The following OSBPL9 variants were observed in gnomAD, a reference collection of about 807,000 sequenced individuals.
OSBPL9 encodes oxysterol binding protein like 9, also known as oxysterol-binding protein-related protein 9.
A neutral mutation model predicts 106.6 loss-of-function variants in OSBPL9; 40 were observed. That is an observed-to-expected ratio of 0.38 (90% CI 0.29 to 0.49). OSBPL9 has a LOEUF of 0.49. Ranked by LOEUF, OSBPL9 falls within the 20% of genes least tolerant of loss-of-function variation. The pLI, the probability that OSBPL9 is intolerant of heterozygous loss-of-function variation, is 0.97. For synonymous variants in OSBPL9, 269 were observed against 295.4 expected (o/e 0.91, Z 0.92); for missense variants, 609 against 887.2 (o/e 0.69, Z 3.98).
At chr1:51,615,375 C>G (rs755576147), upstream of OSBPL9, among the ~76,000 whole-genome samples, 2 of 152,218 alleles carry the variant, frequency 1.3e-5, no homozygotes, top group Non-Finnish European at 2.9e-5. Flanking sequence ...TTTCTTGTTA[C>G]TTTGGATAAA....
At chr1:51,707,835 G>T in intron 3 of OSBPL9, 1 of 185,098 alleles carries the variant, frequency 5.4e-6, no homozygotes, top group Non-Finnish European at 1.2e-5. Flanking sequence ...CTTCTCCATG[G>T]TAGTGAAGTT....
the OSBPL9 span, among the ~76,000 whole-genome samples, chr1:51,548,835 T>A: frequency 6.6e-6 from 1 of 152,230 alleles, no homozygotes; most frequent in African/African-American, 2.4e-5. Context: ...CCTGAAAATA[T>A]CTTCATCTGG....
At chr1:51,772,367 T>C (rs1674111336) in intron 13 of OSBPL9, among the ~76,000 whole-genome samples, 185 bp downstream of exon 13, 1 of 152,114 alleles carries the variant, frequency 6.6e-6, no homozygotes, top group East Asian at 1.9e-4. Flanking sequence ...TACAAAAAAT[T>C]AGCTGGGCAT....
At chr1:51,608,415 C>T (rs1643962974) in intron 2 of OSBPL9, among the ~76,000 whole-genome samples, 2 of 152,110 alleles carry the variant, frequency 1.3e-5, no homozygotes, top group African/African-American at 4.8e-5. Context: ...GCCTCAGCCT[C>T]CCCAGTAGCT....
intron 8 of OSBPL9, 111 bp downstream of exon 8, chr1:51,750,306 T>C (rs758544867): frequency 7.8e-6 from 5 of 640,076 alleles, no homozygotes; most frequent in Non-Finnish European, 5.4e-6. Flanking sequence ...CCTTTCTACA[T>C]TAAACTGTAT....
intron 4 of OSBPL9, among the ~76,000 whole-genome samples, chr1:51,728,312 A>G (rs959467419): frequency 6.6e-6 from 1 of 152,236 alleles, no homozygotes; most frequent in Non-Finnish European, 1.5e-5. Flanking sequence ...AATGAATTGG[A>G]GTAGCCAGAG....
chr1:51,773,731 G>A (rs888849210), intron 14 of OSBPL9, among the ~76,000 whole-genome samples: 1 of 152,052 alleles, frequency 6.6e-6, no homozygotes, highest in Non-Finnish European at 1.5e-5. Flanking sequence ...GATTTAGAGG[G>A]CCATTAAGAA....
At chr1:51,530,347 T>A in the OSBPL9 span, among the ~76,000 whole-genome samples, 1 of 151,840 alleles carries the variant, frequency 6.6e-6, no homozygotes, top group Non-Finnish European at 1.5e-5. Context: ...AAGGACACCA[T>A]CCAGAAAGTG....
At chr1:51,769,242 T>C (rs1301135520) in intron 12 of OSBPL9, among the ~76,000 whole-genome samples, 1 of 152,234 alleles carries the variant, frequency 6.6e-6, no homozygotes, top group Non-Finnish European at 1.5e-5. Flanking sequence ...GTTTTTCTCT[T>C]TCTGAAGGAA....
At chr1:51,721,182 C>A (rs902539164) in intron 4 of OSBPL9, among the ~76,000 whole-genome samples, 1 of 151,256 alleles carries the variant, frequency 6.6e-6, no homozygotes, top group African/African-American at 2.4e-5. Context: ...ATCTAAAGCC[C>A]CTAGAGAGAA....
chr1:51,783,073 C>T (rs574463917), intron 17 of OSBPL9, among the ~76,000 whole-genome samples: 2 of 152,154 alleles, frequency 1.3e-5, no homozygotes, highest in South Asian at 2.1e-4. Flanking sequence ...CTATGCACAC[C>T]CTCCTGTATA....
Position 51,754,129 on chromosome 1 carries a change from A to G in OSBPL9, c.544-2191A>G, listed in dbSNP as rs116783599. 4.8e-3 allele frequency among the ~76,000 whole-genome samples: 726 copies of G among 152,260 alleles called. 6 individuals carry two copies. The highest frequency in any genetic ancestry group is 0.016 in the African/African-American group (685 of 41,532). On this transcript the variant is annotated intron_variant, in intron 8 of 23. Coordinates refer to ENST00000428468, the MANE Select transcript of OSBPL9 (RefSeq NM_024586.6). The stretch of plus-strand genomic sequence containing the variant: ...GGGCAGGACAGAGTGAAGATAAGCT[A>G]GGAGGCCCCTGCAGGTGGAGACTTA...
rs1668966906 is a variant in OSBPL9, at chr1:51,750,298, T to G, written c.543+103T>G. On this transcript the variant is annotated intron_variant, in intron 8 of 23. Coordinates refer to ENST00000428468, the MANE Select transcript of OSBPL9 (RefSeq NM_024586.6). Reference sequence around the variant, plus strand: ...AAACTCAGATCTGAAACATAGTACCTTTCTACATTAAACTGTATTGTGAGC... The same window carrying G: ...AAACTCAGATCTGAAACATAGTACCGTTCTACATTAAACTGTATTGTGAGC... 9 of 705,088 alleles carry G rather than the reference T, an allele frequency of 1.3e-5. No homozygotes were observed. In the East Asian group the frequency reaches 2.5e-4, roughly 20 times the overall value. The allele number at this position is 705,088 out of a possible 1,614,324, so 43.7% of individuals were successfully genotyped here.
upstream of OSBPL9, among the ~76,000 whole-genome samples, chr1:51,615,264 A>T (rs1162180199): frequency 2.0e-5 from 3 of 152,094 alleles, no homozygotes; most frequent in African/African-American, 7.2e-5. Flanking sequence ...AAAAAACAAA[A>T]CAAAACAAAA....
At chr1:51,634,405 G>A (rs1003263365) in intron 1 of OSBPL9, among the ~76,000 whole-genome samples, 1 of 152,084 alleles carries the variant, frequency 6.6e-6, no homozygotes, top group Non-Finnish European at 1.5e-5. Flanking sequence ...TATTTTGGGT[G>A]GTATGTGAAA....
At chr1:51,604,969 A>G (rs1450891691) in intron 2 of OSBPL9, among the ~76,000 whole-genome samples, 1 of 152,156 alleles carries the variant, frequency 6.6e-6, no homozygotes, top group African/African-American at 2.4e-5. Context: ...ATGTTTTTAT[A>G]AATAAAGTTT....
the OSBPL9 span, among the ~76,000 whole-genome samples, chr1:51,546,449 G>A: frequency 6.6e-6 from 1 of 152,132 alleles, no homozygotes; most frequent in Non-Finnish European, 1.5e-5. Flanking sequence ...TGTAATCCCA[G>A]CACTTTGGGA....
chr1:51,526,893 C>T, the OSBPL9 span, among the ~76,000 whole-genome samples: 1 of 151,854 alleles, frequency 6.6e-6, no homozygotes, highest in African/African-American at 2.4e-5. Context: ...TAGAGGCAAG[C>T]GCCACCACAC....
chr1:51,617,615 C>G (rs1476461131), intron 1 of OSBPL9, among the ~76,000 whole-genome samples: 1 of 152,142 alleles, frequency 6.6e-6, no homozygotes, highest in African/African-American at 2.4e-5. Context: ...CACCAAGGCC[C>G]TGTAGCCGGC....
Sources: allele counts gnomAD v4.1 joint callset (sites outside exome capture counted in the v4.1 genomes callset), GRCh38; gene constraint gnomAD v4.1.1; transcripts MANE v1.5; gene names NCBI Gene and HGNC (gene_info 2026-07-23, HGNC 2026-07-21).